SLC6A11: variants seen among roughly 807,000 people sequenced by gnomAD.
SLC6A11 encodes the protein sodium- and chloride-dependent GABA transporter 3.
SLC6A11 carries 25 observed loss-of-function variants against 74.8 expected under a neutral mutation model. The observed-to-expected ratio is 0.33, with a 90% CI of 0.24 to 0.47. The LOEUF (loss-of-function observed/expected upper bound fraction) is 0.47, where lower values mean the gene tolerates loss of function less well. SLC6A11 is among the 20% of genes least tolerant of loss of function. The pLI is 1.00. For missense variants in SLC6A11, 574 were observed against 837.0 expected (o/e 0.69, Z 3.88); for synonymous variants, 330 against 330.2 (o/e 1.00, Z 0.01).
chr3:10,857,529 C>A (rs1397033609), intron 5 of SLC6A11, among the ~76,000 whole-genome samples: 1 of 152,126 alleles, frequency 6.6e-6, no homozygotes, highest in African/African-American at 2.4e-5. Flanking sequence ...GAACTAGAAC[C>A]CCCAGTGAGA....
intron 6 of SLC6A11, among the ~76,000 whole-genome samples, chr3:10,878,404 C>CTTTT (rs34982364): frequency 7.8e-6 from 1 of 128,166 alleles, no homozygotes; most frequent in African/African-American, 3.1e-5. Flanking sequence ...TCCACTCATC[C>CTTTT]TTTTTTTTTT....
chr3:10,876,060 A>G (rs1243299633), intron 6 of SLC6A11, among the ~76,000 whole-genome samples: 1 of 152,254 alleles, frequency 6.6e-6, no homozygotes. Context: ...GTTTCCAAAT[A>G]GGAAATGAGG....
intron 6 of SLC6A11, among the ~76,000 whole-genome samples, chr3:10,888,726 AG>A (rs1437096872): frequency 1.3e-5 from 2 of 152,164 alleles, no homozygotes; most frequent in African/African-American, 4.8e-5. Flanking sequence ...AACCTTGGAG[AG>A]TCATGAGCTG....
chr3:10,835,045 G>T (rs1694348432), intron 4 of SLC6A11, among the ~76,000 whole-genome samples: 1 of 152,174 alleles, frequency 6.6e-6, no homozygotes, highest in African/African-American at 2.4e-5. Context: ...CTTGTGCAGG[G>T]CTGCTCCTGA....
In SLC6A11 at chr3:10,935,091, C is replaced by T. The variant is rs1473824445; in HGVS notation, c.1638C>T (p.Tyr546=). 6.2e-7 allele frequency: 1 copy of T among 1,613,916 alleles called. No individual in the cohort carries two copies. Among genetic ancestry groups the T allele is most frequent in the Non-Finnish European group, 8.5e-7 (1 of 1,179,884 alleles). The change falls in exon 13 of 14, where the codon TAC becomes TAT. Residue 546 remains tyrosine, a synonymous_variant. Coordinates refer to ENST00000254488, the MANE Select transcript of SLC6A11 (RefSeq NM_014229.3). The stretch of plus-strand genomic sequence containing the variant: ...TCAAGTACAACAACATCTACACCTA[C>T]CCAGCCTGGGGCTATGGCATTGGCT... ...KPLKYNNIYT[Y]PAWGYGIGWL... is the part of the protein sequence containing the mutation.
intron 9 of SLC6A11, among the ~76,000 whole-genome samples, chr3:10,928,057 T>C (rs1042606649): frequency 2.6e-5 from 4 of 152,184 alleles, no homozygotes; most frequent in Non-Finnish European, 5.9e-5. Context: ...TGTGCTTCTG[T>C]GTCTTCATTT....
intron 5 of SLC6A11, among the ~76,000 whole-genome samples, chr3:10,869,265 G>A (rs1694801145): frequency 6.6e-6 from 1 of 152,242 alleles, no homozygotes. Flanking sequence ...AATGTGGGAT[G>A]GGGCTCAGGG....
At chr3:10,830,533 T>C (rs1694281247) in intron 4 of SLC6A11, among the ~76,000 whole-genome samples, 1 of 152,034 alleles carries the variant, frequency 6.6e-6, no homozygotes, top group East Asian at 1.9e-4. Flanking sequence ...GCAGAAAATA[T>C]TGGATTAAGT....
chr3:10,890,811 C>G (rs776424700), intron 6 of SLC6A11, among the ~76,000 whole-genome samples: 1 of 152,196 alleles, frequency 6.6e-6, no homozygotes, highest in African/African-American at 2.4e-5. Flanking sequence ...ACTAAGCTCT[C>G]TTAGTCTGTG....
rs143589146 is a variant in SLC6A11, at chr3:10,914,428, G to A, written c.995+2235G>A. On this transcript the variant is annotated intron_variant, in intron 7 of 13. Coordinates refer to ENST00000254488, the MANE Select transcript of SLC6A11 (RefSeq NM_014229.3). The stretch of plus-strand genomic sequence containing the variant: ...TGCCATGGGAGCTGCAGACAGCAGT[G>A]GCACAGCCTATAGAGTTTGTAACTT... Among the ~76,000 whole-genome samples, 1,196 of 152,304 alleles carry A rather than the reference G, an allele frequency of 7.9e-3. 15 individuals carry two copies. Among genetic ancestry groups the A allele is most frequent in the Non-Finnish European group, 0.011 (727 of 68,034 alleles).
At chr3:10,821,309 A>C (rs1412487357) in intron 3 of SLC6A11, among the ~76,000 whole-genome samples, 1 of 152,204 alleles carries the variant, frequency 6.6e-6, no homozygotes, top group African/African-American at 2.4e-5. Context: ...CCAGTGGCTG[A>C]CTTTATGCAT....
chr3:10,917,284 C>T (rs1001749122), intron 7 of SLC6A11, among the ~76,000 whole-genome samples: 2 of 152,112 alleles, frequency 1.3e-5, no homozygotes, highest in Non-Finnish European at 2.9e-5. Flanking sequence ...GTTCTTAGCA[C>T]GCTAAGCAGT....
intron 6 of SLC6A11, among the ~76,000 whole-genome samples, chr3:10,887,478 C>G (rs576186464): frequency 2.0e-4 from 30 of 152,284 alleles, no homozygotes; most frequent in Non-Finnish European, 4.4e-5. Context: ...TGGAGTCTCA[C>G]TCTGTCACCC....
intron 6 of SLC6A11, among the ~76,000 whole-genome samples, chr3:10,909,378 A>G (rs1198008775): frequency 6.6e-6 from 1 of 152,210 alleles, no homozygotes; most frequent in Non-Finnish European, 1.5e-5. Flanking sequence ...ATTGGAAAAA[A>G]AAAATACCTG....
chr3:10,869,168 T>C (rs1694800215), intron 5 of SLC6A11, among the ~76,000 whole-genome samples: 1 of 152,160 alleles, frequency 6.6e-6, no homozygotes, highest in Admixed American at 6.5e-5. Flanking sequence ...CCTTATATTG[T>C]AAAAATCTTA....
intron 10 of SLC6A11, 111 bp from the exon 11 acceptor site, chr3:10,933,040 C>A (rs2124821931): frequency 1.4e-6 from 1 of 739,266 alleles, no homozygotes; most frequent in Non-Finnish European, 2.4e-6. Flanking sequence ...AGATTCCTGG[C>A]AGTGGTAGCC....
At chr3:10,890,610 C>T (rs550721437) in intron 6 of SLC6A11, among the ~76,000 whole-genome samples, 121 of 152,358 alleles carry the variant, frequency 7.9e-4, no homozygotes, top group African/African-American at 2.6e-3. Flanking sequence ...CTAAATCCCA[C>T]GCTGTCATCA....
intron 5 of SLC6A11, among the ~76,000 whole-genome samples, chr3:10,853,376 T>G (rs1242549657): frequency 1.3e-5 from 2 of 152,194 alleles, no homozygotes; most frequent in South Asian, 2.1e-4. Flanking sequence ...CCGCTTGCTG[T>G]CACCTGCGGG....
chr3:10,885,603 A>C (rs946945958), intron 6 of SLC6A11, among the ~76,000 whole-genome samples: 9 of 151,956 alleles, frequency 5.9e-5, no homozygotes, highest in Admixed American at 3.9e-4. Context: ...ATGATAAAAA[A>C]AAAAAAAAAA....
Sources: allele counts gnomAD v4.1 joint callset (sites outside exome capture counted in the v4.1 genomes callset), GRCh38; gene constraint gnomAD v4.1.1; transcripts MANE v1.5; gene names NCBI Gene and HGNC (gene_info 2026-07-23, HGNC 2026-07-21).